The following PARP1 variants were observed in gnomAD, a reference collection of about 807,000 sequenced individuals.
PARP1 encodes poly(ADP-ribose) polymerase 1, also known as poly [ADP-ribose] polymerase 1.
PARP1 carries 44 observed loss-of-function variants against 118.7 expected under a neutral mutation model. That is an observed-to-expected ratio of 0.37 (90% CI 0.29 to 0.48). PARP1 has a LOEUF of 0.48. Ranked by LOEUF, PARP1 falls within the 20% of genes least tolerant of loss-of-function variation. The probability of loss-of-function intolerance (pLI) is 0.99; values close to 1 mark genes in which losing one functional copy is unlikely to be tolerated. For missense variants in PARP1, 1,100 were observed against 1,272.4 expected (o/e 0.86, Z 2.06); for synonymous variants, 492 against 483.2 (o/e 1.02, Z -0.24).
chr1:226,366,250 TTCA>T, intron 17 of PARP1, 198 bp from the exon 18 acceptor site: 1 of 581,552 alleles, frequency 1.7e-6, no homozygotes, highest in South Asian at 1.9e-5. Flanking sequence ...CCTCCACCTC[TTCA>T]TCTACTTGGG....
chr1:226,383,281 CTTT>C, intron 7 of PARP1, 98 bp from the exon 8 acceptor site: 3 of 931,200 alleles, frequency 3.2e-6, no homozygotes, highest in Non-Finnish European at 5.1e-6. Flanking sequence ...CAAATAATCT[CTTT>C]TTTTCTTCTT....
chr1:226,392,935 C>T (rs747729242), intron 2 of PARP1: 77 of 1,568,316 alleles, frequency 4.9e-5, no homozygotes, highest in African/African-American at 3.2e-4. Context: ...AGGAATAAGA[C>T]GAAGCTATCT....
chr1:226,385,144 T>C (rs1664691147), intron 7 of PARP1, among the ~76,000 whole-genome samples: 1 of 152,222 alleles, frequency 6.6e-6, no homozygotes. Flanking sequence ...GGAAATGTCC[T>C]TGAAAAAACC....
At chr1:226,375,879 G>A (rs2102733134) in intron 13 of PARP1, among the ~76,000 whole-genome samples, 1 of 152,296 alleles carries the variant, frequency 6.6e-6, no homozygotes, top group African/African-American at 2.4e-5. Flanking sequence ...ACATATGGTG[G>A]TGGGAAACGT....
chr1:226,383,241 T>A, intron 7 of PARP1, 58 bp from the exon 8 acceptor site: 2 of 1,385,156 alleles, frequency 1.4e-6, no homozygotes, highest in Admixed American at 3.4e-5. Context: ...AACCACCCCA[T>A]AGACCAAAGA....
chr1:226,380,095 T>A lies in PARP1; in HGVS notation c.1370A>T (p.Asp457Val). ...GGAGGCGGAGACGTCCTGGAGGAAG[T>A]CCTCAGACACAACTCGGATGTTGGC... ...KEANIRVVSE[D>V]FLQDVSASTK... Residue 457 changes from aspartate (D) to valine (V), a missense_variant, in exon 10 of 23, where the codon GAC (aspartate) becomes GTC (valine). By Grantham distance (152) the Asp-to-Val change is radical (BLOSUM62 -3). Coordinates refer to ENST00000366794, the MANE Select transcript of PARP1 (RefSeq NM_001618.4). The A allele has an allele frequency of 6.2e-7, 1 of 1,614,164 alleles. No individual in the cohort carries two copies. The highest frequency in any genetic ancestry group is 8.5e-7 in the Non-Finnish European group (1 of 1,180,018).
In PARP1 at chr1:226,383,031, T is replaced by A. The variant is rs1161136698; in HGVS notation, c.1159+5A>T. The A allele has an allele frequency of 2.5e-6, 4 of 1,612,688 alleles. No individual in the cohort carries two copies. In the East Asian group the frequency reaches 8.9e-5, roughly 36 times the overall value. On this transcript the variant is annotated splice_donor_5th_base_variant and intron_variant, in intron 8 of 22. Transcript: ENST00000366794. Reference sequence around the variant, plus strand: ...GCTCTAAGACCGGGGTCCCAAATGCTGTACCTGCTGAAGCAGAGGAGTTCA... The same window carrying A: ...GCTCTAAGACCGGGGTCCCAAATGCAGTACCTGCTGAAGCAGAGGAGTTCA...
intron 13 of PARP1, among the ~76,000 whole-genome samples, 155 bp downstream of exon 13, chr1:226,376,953 T>A (rs1664499797): frequency 6.6e-6 from 1 of 152,176 alleles, no homozygotes; most frequent in Non-Finnish European, 1.5e-5. Context: ...TTTCTTCTAT[T>A]TTTGGGGGAG....
rs761710686 is a variant in PARP1 at position 226,365,066 on chromosome 1, C to T, written c.2594G>A (p.Arg865Lys). The change falls in exon 19 of 23, where the codon AGG (arginine) becomes AAG (lysine). Residue 865 changes from arginine (R) to lysine (K), a missense_variant. By Grantham distance (26) the Arg-to-Lys change is conservative. Around this residue, in one of 2 missense-constraint regions of PARP1, gnomAD observed 152 missense variants for 240.6 expected, o/e 0.63. Coordinates refer to ENST00000366794, the MANE Select transcript of PARP1 (RefSeq NM_001618.4). Reference sequence around the variant, plus strand: ...CAGGATCCCAGCAAAGTTGGTGGTCCTGGACCCGTGCCACAGCAATCTTCG... The same window carrying T: ...CAGGATCCCAGCAAAGTTGGTGGTCTTGGACCCGTGCCACAGCAATCTTCG... ...HNRRLLWHGS[R>K]TTNFAGILSQ... The T allele has an allele frequency of 5.0e-6, 8 of 1,614,208 alleles. No homozygotes were observed. The South Asian group carries it at 7.7e-5, about 16-fold the overall frequency.
intron 2 of PARP1, chr1:226,392,544 G>T (rs1664839860): frequency 1.7e-6 from 1 of 573,580 alleles, no homozygotes; most frequent in East Asian, 3.0e-5. Flanking sequence ...TGAAAGAGCA[G>T]CATATCAGGG....
In PARP1 at chr1:226,385,592, G is replaced by T. The variant is rs766966324; in HGVS notation, c.923C>A (p.Ala308Asp). The part of the protein sequence containing the change: ...CSGQLVFKSD[A>D]YYCTGDVTAW... ...AGTGACGTCCCCAGTGCAGTAATAG[G>T]CATCGCTCTTGAAGACCAGCTGACC... The change falls in exon 7 of 23, where the codon GCC (alanine) becomes GAC (aspartate). Residue 308 changes from alanine to aspartate, a missense_variant. Coordinates refer to ENST00000366794, the MANE Select transcript of PARP1 (RefSeq NM_001618.4). 6.2e-7 allele frequency: 1 copy of T among 1,614,034 alleles called. No homozygotes were observed. Among genetic ancestry groups the T allele is most frequent in the South Asian group, 1.1e-5 (1 of 91,080 alleles).
chr1:226,364,205 G>T, intron 19 of PARP1, 135 bp from the exon 20 acceptor site: 2 of 860,110 alleles, frequency 2.3e-6, no homozygotes, highest in Admixed American at 1.8e-5. Context: ...CAATGCCCAT[G>T]GTGAGGAAAT....
intron 3 of PARP1, 83 bp from the exon 4 acceptor site, chr1:226,390,707 G>T: frequency 1.5e-6 from 2 of 1,321,122 alleles, no homozygotes; most frequent in Non-Finnish European, 2.1e-6. Context: ...GCTCCAGCCA[G>T]TGAGGAGCTG....
intron 7 of PARP1, 69 bp from the exon 8 acceptor site, chr1:226,383,252 G>A (rs1664655453): frequency 4.0e-6 from 5 of 1,262,080 alleles, no homozygotes; most frequent in Non-Finnish European, 5.8e-6. Flanking sequence ...AGACCAAAGA[G>A]GATTTGGCTT....
chr1:226,370,539 C>T (rs1401304813), intron 14 of PARP1, 22 bp from the exon 15 acceptor site: 3 of 1,594,772 alleles, frequency 1.9e-6, no homozygotes, highest in Non-Finnish European at 2.6e-6. Flanking sequence ...GGGGATTTCG[C>T]TCTGAAAGCT....
Position 226,367,426 on chromosome 1 carries a change from C to T in PARP1, c.2406+54G>A, listed in dbSNP as rs111302850. 6.8e-4 allele frequency: 1,083 copies of T among 1,600,334 alleles called. 1 individual carries two copies. Among genetic ancestry groups the T allele is most frequent in the Non-Finnish European group, 8.3e-4 (974 of 1,169,370 alleles). On this transcript the variant is annotated intron_variant, in intron 17 of 22. Coordinates refer to ENST00000366794, the MANE Select transcript of PARP1 (RefSeq NM_001618.4). ...CCTAACACACATGGAAGTTTGGGAC[C>T]GCTGCTCTCAGGATGAGAGGTTAAG...
intron 2 of PARP1, among the ~76,000 whole-genome samples, chr1:226,395,136 A>G (rs78118294): frequency 2.6e-5 from 4 of 152,012 alleles, no homozygotes; most frequent in Non-Finnish European, 5.9e-5. Flanking sequence ...AAAAAAAAAA[A>G]GTGTTCATAC....
At chr1:226,362,332 C>T (rs142185851) in intron 21 of PARP1, 445 of 459,352 alleles carry the variant, frequency 9.7e-4, no homozygotes, top group African/African-American at 7.8e-3. Flanking sequence ...ATTACAGGTG[C>T]GCGCCACCAC....
At chr1:226,362,999 A>T in intron 21 of PARP1, 100 bp downstream of exon 21, 1 of 821,892 alleles carries the variant, frequency 1.2e-6, no homozygotes. Context: ...CAGCTGTTTG[A>T]CAGCCAGCCA....
Sources: allele counts gnomAD v4.1 joint callset (sites outside exome capture counted in the v4.1 genomes callset), GRCh38; gene constraint gnomAD v4.1.1; regional missense constraint gnomAD v4.1.1; transcripts MANE v1.5; gene names NCBI Gene and HGNC (gene_info 2026-07-23, HGNC 2026-07-21).